The following ATCAY variants were observed in gnomAD, a reference collection of about 807,000 sequenced individuals.
ATCAY encodes ATCAY kinesin light chain interacting caytaxin, also known as caytaxin.
ATCAY carries 22 observed loss-of-function variants against 47.7 expected under a neutral mutation model. The ratio of observed to expected loss-of-function variants is 0.46; its 90% CI spans 0.33 to 0.66. ATCAY has a LOEUF of 0.66. Among genes scored for constraint, ATCAY ranks in the 30% least tolerant of loss-of-function variants. ATCAY has a pLI of 0.02. For missense variants in ATCAY, 452 were observed against 515.0 expected, an observed-to-expected ratio of 0.88 and a Z score of 1.18; for synonymous variants, 216 against 207.6, an observed-to-expected ratio of 1.04 and a Z score of -0.35.
At chr19:3,918,423 T>G (rs1225152566) in intron 10 of ATCAY, among the ~76,000 whole-genome samples, 5 of 151,254 alleles carry the variant, frequency 3.3e-5, no homozygotes. Context: ...TGTGGTGGCA[T>G]GCGCCTGTAG....
At chr19:3,890,917 T>A (rs1004448634) in intron 2 of ATCAY, among the ~76,000 whole-genome samples, 3 of 152,190 alleles carry the variant, frequency 2.0e-5, no homozygotes, top group African/African-American at 7.2e-5. Flanking sequence ...TAACCACCTC[T>A]GTCTGCCGCA....
At position 3,905,504 on chromosome 19, in the gene ATCAY, C is replaced by T. The variant is rs1256567415; in HGVS notation, c.207C>T (p.Asn69=). 2.5e-6 allele frequency: 4 copies of T among 1,613,986 alleles called. No homozygotes were observed. The East Asian group carries it at 6.7e-5, about 27-fold the overall frequency. ...KRKTLVAPEI[N]ISLDQSEGSL... ...AGACGCTGGTGGCCCCAGAGATCAA[C>T]ATTTCTCTGGATCAGAGTGAGGGGT... The change falls in exon 4 of 13, where the codon AAC becomes AAT. Residue 69 remains asparagine (N), a synonymous_variant. Transcript: ENST00000450849.
chr19:3,897,263 C>CCATA (rs2038777524), intron 2 of ATCAY, among the ~76,000 whole-genome samples: 1 of 143,950 alleles, frequency 6.9e-6, no homozygotes, highest in Non-Finnish European at 1.5e-5. Context: ...TTGAAGTTTG[C>CCATA]TATATATATA....
rs1489369101 is a variant in ATCAY, at chr19:3,925,020, C to T, written c.*428C>T. 3.0e-5 allele frequency: 5 copies of T among 166,746 alleles called. No individual in the cohort carries two copies. The highest frequency in any genetic ancestry group is 3.2e-4 in the South Asian group (2 of 6,300). The allele number at this position is 166,746 out of a possible 1,614,324, so 10.3% of individuals were successfully genotyped here. On this transcript the variant is annotated 3_prime_UTR_variant, in exon 13 of 13. Transcript: ENST00000450849. This position sits in a 1 kb window ranked among gnomAD's most constrained non-coding sequence, Gnocchi z 4.4. ...GAGCCACAGACACCCACCGCCACCCCGGCTGGGTCTGCGTCCTTTCCTGTG... is the reference window on the plus strand; with the variant it reads ...GAGCCACAGACACCCACCGCCACCCTGGCTGGGTCTGCGTCCTTTCCTGTG...
rs1438058648 is a variant in ATCAY at position 3,918,877 on chromosome 19, G to T, written c.1073G>T (p.Arg358Met). ...EKPEVAPVEN[R>M]SALVSEDQET... ...CCAGAGGTGGCACCAGTGGAAAACAGGTAGGTGTGCAGGGGACCATGGGCA... is the reference window on the plus strand; with the variant it reads ...CCAGAGGTGGCACCAGTGGAAAACATGTAGGTGTGCAGGGGACCATGGGCA... The change falls in exon 11 of 13, where the codon AGG becomes ATG. Residue 358 changes from arginine to methionine, a missense_variant and splice_region_variant. Arg to Met is a moderately conservative substitution (Grantham distance 91). Transcript: ENST00000450849. 1.2e-6 allele frequency: 2 copies of T among 1,614,008 alleles called. No homozygotes were observed. The highest frequency in any genetic ancestry group is 1.7e-6 in the Non-Finnish European group (2 of 1,179,868).
chr19:3,907,721 C>T lies in ATCAY; in HGVS notation c.359-13C>T, dbSNP rs1478368255. On this transcript the variant is annotated splice_polypyrimidine_tract_variant and intron_variant, in intron 4 of 12. Transcript: ENST00000450849. This position sits in a 1 kb window ranked among gnomAD's most constrained non-coding sequence, Gnocchi z 5.1. ...CTCTGGCGTCCATGCGACTCTCCGC[C>T]ACCTGCTTCTAGACGACACCCCCGT... 2 of 1,613,710 alleles carry T rather than the reference C, an allele frequency of 1.2e-6. No homozygotes were observed. The highest frequency in any genetic ancestry group is 1.1e-5 in the South Asian group (1 of 91,076).
intron 8 of ATCAY, 47 bp downstream of exon 8, chr19:3,910,936 T>C: frequency 6.3e-7 from 1 of 1,577,346 alleles, no homozygotes; most frequent in East Asian, 2.2e-5. Context: ...TCAGTGTGCG[T>C]GTGTGCGTGT....
chr19:3,900,451 A>G (rs1599284299), intron 2 of ATCAY, among the ~76,000 whole-genome samples: 1 of 152,028 alleles, frequency 6.6e-6, no homozygotes, highest in Non-Finnish European at 1.5e-5. Flanking sequence ...AGGATCCCAG[A>G]TGACATTTAG....
chr19:3,895,719 T>TC (rs1399910946), intron 2 of ATCAY, among the ~76,000 whole-genome samples: 8 of 136,014 alleles, frequency 5.9e-5, no homozygotes, highest in East Asian at 5.1e-4. Context: ...TTCTTTTCTT[T>TC]TTTTTTTTTT....
chr19:3,885,843 A>T lies in ATCAY; in HGVS notation c.76A>T (p.Arg26Trp). The change falls in exon 2 of 13, where the codon AGG becomes TGG. Residue 26 changes from arginine to tryptophan, a missense_variant and splice_region_variant. Transcript: ENST00000450849. The part of the protein sequence containing the change: ...KEEWQDEDLP[R>W]PLPEETGVEL... ...GGAATGGCAGGACGAAGATCTTCCC[A>T]GGTAGGACTTCCACATCCCTGAGTC... 1 of 1,551,942 alleles carries T rather than the reference A, an allele frequency of 6.4e-7. No homozygotes were observed. The highest frequency in any genetic ancestry group is 8.7e-7 in the Non-Finnish European group (1 of 1,147,626).
intron 2 of ATCAY, chr19:3,893,711 T>C (rs555247068): frequency 6.6e-6 from 1 of 152,380 alleles, no homozygotes; most frequent in East Asian, 1.9e-4. Context: ...CAGTGGGTCT[T>C]CCTTCAGGGA....
intron 3 of ATCAY, among the ~76,000 whole-genome samples, chr19:3,903,562 C>T (rs969884795): frequency 1.3e-5 from 2 of 151,490 alleles, no homozygotes; most frequent in Non-Finnish European, 2.9e-5. Context: ...CTCACTGTAT[C>T]GCCCAGGCTG....
intron 2 of ATCAY, among the ~76,000 whole-genome samples, chr19:3,887,660 G>C (rs1325600369): frequency 6.7e-6 from 1 of 150,322 alleles, no homozygotes; most frequent in Non-Finnish European, 1.5e-5. Flanking sequence ...CTAATTTTTT[G>C]TATTTTTAGT....
intron 10 of ATCAY, among the ~76,000 whole-genome samples, chr19:3,918,584 A>G (rs986535866): frequency 6.6e-6 from 1 of 151,810 alleles, no homozygotes; most frequent in Non-Finnish European, 1.5e-5. Flanking sequence ...AACAGCCTTT[A>G]TCATGCCAGG....
intron 8 of ATCAY, among the ~76,000 whole-genome samples, chr19:3,911,793 T>G (rs2038924445): frequency 6.6e-6 from 1 of 152,252 alleles, no homozygotes; most frequent in Admixed American, 6.6e-5. Context: ...GTTACAAATC[T>G]GGGATGAGCG....
At chr19:3,914,002 T>G in intron 9 of ATCAY, 146 bp downstream of exon 9, 1 of 642,486 alleles carries the variant, frequency 1.6e-6, no homozygotes. Flanking sequence ...TTTGGGAGGC[T>G]GAGGCGGGCG....
At chr19:3,887,803 AAG>A (rs1347189907) in intron 2 of ATCAY, among the ~76,000 whole-genome samples, 2 of 150,454 alleles carry the variant, frequency 1.3e-5, no homozygotes, top group Non-Finnish European at 3.0e-5. Context: ...TCTATTTAAA[AAG>A]AGAGGAAAAA....
intron 2 of ATCAY, among the ~76,000 whole-genome samples, chr19:3,896,300 C>G (rs1048304184): frequency 6.7e-6 from 1 of 148,752 alleles, no homozygotes; most frequent in African/African-American, 2.5e-5. Context: ...CAGAGTCTCA[C>G]TCTGTCACTC....
intron 3 of ATCAY, among the ~76,000 whole-genome samples, chr19:3,905,136 G>A (rs1270510201): frequency 6.6e-6 from 1 of 152,168 alleles, no homozygotes; most frequent in Admixed American, 6.6e-5. Flanking sequence ...GGGATTACAG[G>A]CGTGAGCCAC....
Sources: allele counts gnomAD v4.1 joint callset (sites outside exome capture counted in the v4.1 genomes callset), GRCh38; gene constraint gnomAD v4.1.1; non-coding constraint Gnocchi (gnomAD v3.1); transcripts MANE v1.5; gene names NCBI Gene and HGNC (gene_info 2026-07-23, HGNC 2026-07-21).